TTC7A: variants seen among roughly 807,000 people sequenced by gnomAD.
The protein encoded by TTC7A is tetratricopeptide repeat domain 7A, also known as tetratricopeptide repeat protein 7A.
In TTC7A, 110 loss-of-function variants were observed where a neutral mutation model predicts 103.7. The observed-to-expected ratio is 1.06, with a 90% confidence interval of 0.91 to 1.24. The LOEUF is 1.24. Among genes scored for constraint, TTC7A ranks in the 50% most tolerant of loss-of-function variants. The pLI is 0.00. For missense variants in TTC7A, 1,340 were observed against 1,116.3 expected (o/e 1.20, Z -2.86); for synonymous variants, 521 against 467.9 (o/e 1.11, Z -1.47).
chr2:47,058,769 A>C (rs903070291), intron 18 of TTC7A, among the ~76,000 whole-genome samples: 4 of 152,222 alleles, frequency 2.6e-5, no homozygotes, highest in African/African-American at 9.6e-5. Context: ...TAAAGTGCCT[A>C]CCGTGGGGTG....
Position 47,073,895 on chromosome 2 carries a change from C to G in TTC7A, c.2549C>G (p.Pro850Arg). The change falls in exon 20 of 20, where the codon CCC becomes CGC. Residue 850 changes from proline to arginine, a missense_variant. Transcript: ENST00000319190. ...LELEASSPVL[P>R]FSIIPREL ...CTGGAGGCCAGCAGCCCTGTACTGCCCTTCTCCATCATCCCCAGAGAGCTC... is the reference window on the plus strand; with the variant it reads ...CTGGAGGCCAGCAGCCCTGTACTGCGCTTCTCCATCATCCCCAGAGAGCTC... The G allele has an allele frequency of 1.9e-6, 3 of 1,612,994 alleles. No individual in the cohort carries two copies. Among genetic ancestry groups the G allele is most frequent in the Non-Finnish European group, 1.7e-6 (2 of 1,179,958 alleles).
chr2:46,941,687 G>T lies in TTC7A; in HGVS notation c.146G>T (p.Arg49Leu). The part of the protein sequence containing the change: ...LSMPGGGGNR[R>L]GSPSAAFTFP... ...ATGCCCGGCGGCGGAGGTAACAGGC[G>T]AGGCAGCCCGAGCGCAGCGTTCACC... The change falls in exon 1 of 20, where the codon CGA becomes CTA. Residue 49 changes from arginine (R) to leucine (L), a missense_variant. Physicochemically the swap from Arg to Leu is moderately radical, Grantham distance 102 (BLOSUM62 -2). Coordinates refer to ENST00000319190, the MANE Select transcript of TTC7A (RefSeq NM_020458.4). This position sits in a 1 kb window ranked among gnomAD's most constrained non-coding sequence, Gnocchi z 4.2. 6 of 1,551,258 alleles carry T rather than the reference G, an allele frequency of 3.9e-6. No individual in the cohort carries two copies. Among genetic ancestry groups the T allele is most frequent in the Non-Finnish European group, 5.2e-6 (6 of 1,147,654 alleles).
At chr2:47,039,412 G>A (rs1194546087) in intron 15 of TTC7A, among the ~76,000 whole-genome samples, 4 of 152,178 alleles carry the variant, frequency 2.6e-5, no homozygotes, top group African/African-American at 9.7e-5. Flanking sequence ...TGGTGTGCTG[G>A]GGTGAGCAGC....
chr2:46,917,217 A>T (rs934412820), exon 2 of TTC7A: 2 of 695,120 alleles, frequency 2.9e-6, no homozygotes, highest in Non-Finnish European at 5.2e-6. Flanking sequence ...CTCGTCTCGA[A>T]CTCCTGGGTT....
At chr2:46,953,323 T>G (rs992877082) in intron 2 of TTC7A, among the ~76,000 whole-genome samples, 1 of 152,110 alleles carries the variant, frequency 6.6e-6, no homozygotes, top group African/African-American at 2.4e-5. Context: ...CCAGCTAATT[T>G]TTAAATTTTT....
intron 3 of TTC7A, chr2:46,974,624 G>C: frequency 2.2e-6 from 1 of 456,972 alleles, no homozygotes; most frequent in South Asian, 1.6e-5. Flanking sequence ...CTAGGGAAAA[G>C]GAGGAAAGAG....
At chr2:46,973,439 G>T (rs755949411) in intron 3 of TTC7A, among the ~76,000 whole-genome samples, 5 of 152,192 alleles carry the variant, frequency 3.3e-5, no homozygotes, top group Non-Finnish European at 5.9e-5. Context: ...TTTATCCCCC[G>T]TCAGGGAGGG....
chr2:46,928,983 C>G (rs572995008), intron 2 of TTC7A, among the ~76,000 whole-genome samples: 3 of 152,118 alleles, frequency 2.0e-5, no homozygotes, highest in African/African-American at 7.2e-5. Context: ...GCCAACATGG[C>G]AAAACTCTGT....
intron 14 of TTC7A, among the ~76,000 whole-genome samples, chr2:47,024,851 C>T (rs1558593547): frequency 6.6e-6 from 1 of 152,170 alleles, no homozygotes; most frequent in African/African-American, 2.4e-5. Context: ...AGCCCCAGGA[C>T]CACCTCCACC....
chr2:46,988,587 C>G (rs1206948265), intron 5 of TTC7A, among the ~76,000 whole-genome samples: 5 of 152,222 alleles, frequency 3.3e-5, no homozygotes, highest in African/African-American at 1.2e-4. Flanking sequence ...TCAGCTCAAA[C>G]CCAGTCTTCC....
intron 8 of TTC7A, among the ~76,000 whole-genome samples, chr2:46,995,462 C>A (rs575622950): frequency 3.3e-4 from 51 of 152,344 alleles, no homozygotes; most frequent in African/African-American, 1.1e-3. Flanking sequence ...CCACCCACCT[C>A]TTTTGGGATT....
chr2:47,034,365 C>G (rs1430756966), intron 15 of TTC7A: 1 of 152,236 alleles, frequency 6.6e-6, no homozygotes, highest in Non-Finnish European at 1.5e-5. Flanking sequence ...CTTGGAGATG[C>G]CTGTGTGAGT....
At chr2:47,072,369 G>T (rs373838271) in intron 19 of TTC7A, among the ~76,000 whole-genome samples, 34 of 152,218 alleles carry the variant, frequency 2.2e-4, no homozygotes, top group African/African-American at 8.2e-4. Flanking sequence ...CTGGCCGCAA[G>T]ATCTCCAGCC....
intron 11 of TTC7A, among the ~76,000 whole-genome samples, chr2:47,018,583 C>CAAA (rs201896192): frequency 5.2e-5 from 4 of 77,314 alleles, no homozygotes; most frequent in African/African-American, 9.0e-5. Flanking sequence ...GACTCCATCT[C>CAAA]AAAAAAAAAA....
chr2:46,978,982 C>A, intron 5 of TTC7A, 75 bp downstream of exon 5: 1 of 1,024,046 alleles, frequency 9.8e-7, no homozygotes, highest in Non-Finnish European at 1.5e-6. Flanking sequence ...CTTAAGGCTG[C>A]TCTCCCTCTT....
intron 1 of TTC7A, among the ~76,000 whole-genome samples, chr2:46,946,478 C>T (rs1284029306): frequency 6.6e-6 from 1 of 152,110 alleles, no homozygotes; most frequent in Non-Finnish European, 1.5e-5. Flanking sequence ...GGCTGGAGTG[C>T]AGTGGCACAG....
chr2:46,955,938 C>A lies in TTC7A; in HGVS notation c.349-901C>A, dbSNP rs541938304. Among the ~76,000 whole-genome samples, 15 of 152,282 alleles carry A rather than the reference C, an allele frequency of 9.9e-5. No homozygotes were observed. In the East Asian group the frequency reaches 2.9e-3, roughly 29 times the overall value. ...ATTGTGAGCCAGCTGAGGACAGGAT[C>A]AGAGGCAGGGGGCCAGAGCAAATGG... On this transcript the variant is annotated intron_variant, in intron 2 of 19. Coordinates refer to ENST00000319190, the MANE Select transcript of TTC7A (RefSeq NM_020458.4).
At chr2:47,014,011 C>G (rs1678354352) in intron 11 of TTC7A, among the ~76,000 whole-genome samples, 1 of 152,214 alleles carries the variant, frequency 6.6e-6, no homozygotes, top group Admixed American at 6.5e-5. Context: ...ATACAGATCA[C>G]ATCACATTGT....
chr2:46,937,171 T>G (rs1296097620), upstream of TTC7A, among the ~76,000 whole-genome samples: 1 of 152,146 alleles, frequency 6.6e-6, no homozygotes, highest in Non-Finnish European at 1.5e-5. This position sits in a 1 kb window ranked among gnomAD's most constrained non-coding sequence, Gnocchi z 4.0. Flanking sequence ...AATTACTTCC[T>G]TAACAGATTT....
Sources: gnomAD v4.1 joint callset for allele counts (sites outside exome capture counted in the v4.1 genomes callset) on GRCh38, gnomAD v4.1.1 for gene constraint, Gnocchi (gnomAD v3.1) non-coding constraint, MANE v1.5 for transcripts, NCBI Gene and HGNC (gene_info 2026-07-23, HGNC 2026-07-21) for gene names.